KLF12: variants seen among roughly 807,000 people sequenced by gnomAD.
KLF12 encodes KLF transcription factor 12.
A neutral mutation model predicts 37.8 loss-of-function variants in KLF12; 9 were observed. The ratio of observed to expected loss-of-function variants is 0.24; its 90% CI spans 0.14 to 0.42. The LOEUF is 0.42. KLF12 is among the 10% of genes least tolerant of loss of function. The pLI is 1.00. For synonymous variants in KLF12, 208 were observed against 202.1 expected, an observed-to-expected ratio of 1.03 and a Z score of -0.25; for missense variants, 411 against 516.0, an observed-to-expected ratio of 0.80 and a Z score of 1.97.
intron 1 of KLF12, among the ~76,000 whole-genome samples, chr13:74,111,708 T>C (rs1251807047): frequency 2.5e-5 from 3 of 118,658 alleles, no homozygotes; most frequent in African/African-American, 7.4e-5. Flanking sequence ...TGAAAAACAT[T>C]TGTGCCAATG....
At chr13:74,101,674 G>A (rs1876350417) in intron 1 of KLF12, among the ~76,000 whole-genome samples, 1 of 152,150 alleles carries the variant, frequency 6.6e-6, no homozygotes, top group Admixed American at 6.5e-5. Context: ...AGAGACACAA[G>A]AGCCACCGTG....
chr13:73,733,192 C>G (rs149988699), intron 6 of KLF12, among the ~76,000 whole-genome samples: 1 of 152,086 alleles, frequency 6.6e-6, no homozygotes, highest in Non-Finnish European at 1.5e-5. Context: ...TTTAAGTGTA[C>G]AATTCAGTGG....
chr13:73,729,337 T>C (rs1876891763), intron 6 of KLF12, among the ~76,000 whole-genome samples: 1 of 152,222 alleles, frequency 6.6e-6, no homozygotes, highest in Non-Finnish European at 1.5e-5. Context: ...AATCTCAAAG[T>C]GAACTGTACT....
chr13:73,785,609 ATTTT>A (rs537464774), intron 5 of KLF12, among the ~76,000 whole-genome samples: 1 of 143,780 alleles, frequency 7.0e-6, no homozygotes, highest in East Asian at 2.0e-4. Context: ...ATCTCTGCCC[ATTTT>A]TTTTTTTTTA....
At chr13:73,978,562 T>C (rs1449784552) in intron 2 of KLF12, among the ~76,000 whole-genome samples, 1 of 152,180 alleles carries the variant, frequency 6.6e-6, no homozygotes, top group Non-Finnish European at 1.5e-5. Flanking sequence ...TCCTAGTTAG[T>C]AAACTAACTC....
chr13:73,736,395 T>C (rs1305921097), intron 6 of KLF12, among the ~76,000 whole-genome samples: 1 of 152,210 alleles, frequency 6.6e-6, no homozygotes, highest in Non-Finnish European at 1.5e-5. Context: ...ATAATAAATA[T>C]TTGATTCTTC....
At chr13:74,120,896 AAAG>A (rs1192542093) in intron 1 of KLF12, among the ~76,000 whole-genome samples, 36 of 152,292 alleles carry the variant, frequency 2.4e-4, no homozygotes, top group Non-Finnish European at 4.3e-4. Context: ...ATAAGCCAAT[AAAG>A]AAGATTATAT....
At chr13:73,871,884 T>C (rs549182454) in intron 3 of KLF12, among the ~76,000 whole-genome samples, 25 of 152,296 alleles carry the variant, frequency 1.6e-4, no homozygotes, top group African/African-American at 6.0e-4. Flanking sequence ...GGCGAGCTCC[T>C]TGTAGTTTCG....
In KLF12 at chr13:73,695,452, G is replaced by GATCC. The variant is rs544653793; in HGVS notation, c.*34_*37dup. On this transcript the variant is annotated 3_prime_UTR_variant, in exon 8 of 8. Coordinates refer to ENST00000377669, the MANE Select transcript of KLF12 (RefSeq NM_007249.5). ...CCTGCTGAATTGGGTGCCGCTAAGA[G>GATCC]ATCCAGCTCTTACGCTCAGCTGGAC... 145 of 1,598,646 alleles carry GATCC rather than the reference G, an allele frequency of 9.1e-5. No individual in the cohort carries two copies. Among genetic ancestry groups the GATCC allele is most frequent in the Non-Finnish European group, 1.2e-4 (135 of 1,168,080 alleles).
At chr13:74,266,466 G>C in the KLF12 span, among the ~76,000 whole-genome samples, 1 of 152,076 alleles carries the variant, frequency 6.6e-6, no homozygotes, top group Non-Finnish European at 1.5e-5. Context: ...ATGCATCCAC[G>C]TGCACATATA....
intron 1 of KLF12, among the ~76,000 whole-genome samples, chr13:74,008,384 C>T (rs2138350701): frequency 6.6e-6 from 1 of 152,276 alleles, no homozygotes; most frequent in Admixed American, 6.5e-5. Context: ...ATCTGGTATT[C>T]CATCCATCTC....
chr13:74,048,319 T>C (rs1438496735), intron 1 of KLF12, among the ~76,000 whole-genome samples: 5 of 152,118 alleles, frequency 3.3e-5, no homozygotes, highest in African/African-American at 7.2e-5. Flanking sequence ...AAGGAAGGAA[T>C]AGACTGGGCG....
Position 73,689,920 on chromosome 13 carries a change from T to C in KLF12, c.*5570A>G, listed in dbSNP as rs573591475. On this transcript the variant is annotated 3_prime_UTR_variant, in exon 8 of 8. Transcript: ENST00000377669. ...GGCAAATGACAGTCAACTTTTTATC[T>C]GGAAATTATAATTACCATATGCAAT... 1.4e-3 allele frequency: 213 copies of C among 152,332 alleles called. 1 individual carries two copies. Among genetic ancestry groups the C allele is most frequent in the African/African-American group, 4.9e-3 (203 of 41,578 alleles). 9.4% of individuals were successfully genotyped at this position (152,332 alleles called of 1,614,324 possible).
intron 2 of KLF12, among the ~76,000 whole-genome samples, chr13:73,991,490 T>C (rs969642609): frequency 3.3e-5 from 5 of 152,238 alleles, no homozygotes; most frequent in African/African-American, 1.2e-4. Flanking sequence ...CCATGCACAC[T>C]TTTAGAACTT....
intron 1 of KLF12, among the ~76,000 whole-genome samples, chr13:74,038,593 T>C (rs1893319509): frequency 6.6e-6 from 1 of 152,186 alleles, no homozygotes; most frequent in South Asian, 2.1e-4. Flanking sequence ...TATTTGTCAA[T>C]CACCATTCCA....
intron 2 of KLF12, among the ~76,000 whole-genome samples, chr13:73,983,023 C>T (rs1398099597): frequency 6.6e-6 from 1 of 151,780 alleles, no homozygotes; most frequent in East Asian, 1.9e-4. Flanking sequence ...TTTGCTCTTA[C>T]TCACATTTCA....
intron 1 of KLF12, among the ~76,000 whole-genome samples, chr13:74,092,103 C>T (rs930723358): frequency 6.6e-6 from 1 of 150,672 alleles, no homozygotes; most frequent in African/African-American, 2.4e-5. Flanking sequence ...TCCTGGCTAA[C>T]ACGGTGAAAC....
At chr13:73,803,676 A>T (rs1345488605) in intron 5 of KLF12, among the ~76,000 whole-genome samples, 2 of 151,872 alleles carry the variant, frequency 1.3e-5, no homozygotes, top group African/African-American at 4.8e-5. Flanking sequence ...TCTAGTGTTT[A>T]AAACCAGTGT....
intron 4 of KLF12, among the ~76,000 whole-genome samples, chr13:73,824,403 A>G (rs1179055455): frequency 7.0e-6 from 1 of 143,056 alleles, no homozygotes; most frequent in Non-Finnish European, 1.6e-5. Flanking sequence ...TGTATCTGTG[A>G]ATGTCAGGGT....
Sources: allele counts gnomAD v4.1 joint callset (sites outside exome capture counted in the v4.1 genomes callset), GRCh38; gene constraint gnomAD v4.1.1; transcripts MANE v1.5; gene names NCBI Gene and HGNC (gene_info 2026-07-23, HGNC 2026-07-21).